The following ICA1L variants were observed in gnomAD, a reference collection of about 807,000 sequenced individuals.
ICA1L encodes islet cell autoantigen 1-like protein.
Under a neutral mutation model 61.3 loss-of-function variants are expected in ICA1L, and 50 were observed. The observed-to-expected ratio is 0.82, with a 90% CI of 0.65 to 1.03. The LOEUF (loss-of-function observed/expected upper bound fraction) is 1.03. ICA1L is among the 50% of genes least tolerant of loss of function. ICA1L has a pLI of 0.00. For missense variants in ICA1L, 508 were observed against 556.7 expected (o/e 0.91, Z 0.88); for synonymous variants, 161 against 191.3 (o/e 0.84, Z 1.31).
rs1181411357 is a variant in ICA1L at position 202,777,406 on chromosome 2, T to C, written c.*2127A>G. 6.6e-6 allele frequency: 1 copy of C among 152,126 alleles called. No individual in the cohort carries two copies. The highest frequency in any genetic ancestry group is 2.4e-5 in the African/African-American group (1 of 41,430). The allele number at this position is 152,126 out of a possible 1,614,324, so 9.4% of individuals were successfully genotyped here. A position where few individuals can be genotyped will look rare whatever the true frequency, so the allele number is the denominator to read the frequency against. ...AAAGTTGAGAGCATCAGAGTCACCA[T>C]GGGTATAGAATTCAGATTGGGATTC... On this transcript the variant is annotated 3_prime_UTR_variant, in exon 13 of 13. Transcript: ENST00000358299.
At chr2:202,803,496 C>A (rs896378120) in intron 9 of ICA1L, among the ~76,000 whole-genome samples, 1 of 150,702 alleles carries the variant, frequency 6.6e-6, no homozygotes, top group Non-Finnish European at 1.5e-5. Context: ...TAAAAGAAAG[C>A]TAGTTATGCT....
chr2:202,774,579 G>GA lies in ICA1L; in HGVS notation c.*4953dup. 1 of 324,378 alleles carries GA rather than the reference G, an allele frequency of 3.1e-6. No individual in the cohort carries two copies. The highest frequency in any genetic ancestry group is 5.6e-6 in the Non-Finnish European group (1 of 180,004). The allele number at this position is 324,378 out of a possible 1,614,324, so 20.1% of individuals were successfully genotyped here. ...GTAATATACTCACAGGTCCTAGAGA[G>GA]ACCAGTCACTGCATGCTGAGAGGGG... is the stretch of plus-strand genomic sequence containing the variant. On this transcript the variant is annotated 3_prime_UTR_variant, in exon 13 of 13. Coordinates refer to ENST00000358299, the MANE Select transcript of ICA1L (RefSeq NM_001288622.3).
intron 1 of ICA1L, among the ~76,000 whole-genome samples, chr2:202,852,495 C>G (rs1694654101): frequency 6.6e-6 from 1 of 151,276 alleles, no homozygotes; most frequent in Non-Finnish European, 1.5e-5. Flanking sequence ...ATGGTGAAAC[C>G]CTGTCTCTAC....
intron 1 of ICA1L, among the ~76,000 whole-genome samples, chr2:202,839,318 G>A (rs761857094): frequency 1.3e-5 from 2 of 151,948 alleles, no homozygotes; most frequent in Non-Finnish European, 2.9e-5. Flanking sequence ...GGCTAACAAG[G>A]TGAAACCCCG....
intron 1 of ICA1L, among the ~76,000 whole-genome samples, chr2:202,851,118 A>G (rs1205006706): frequency 6.6e-6 from 1 of 151,594 alleles, no homozygotes; most frequent in African/African-American, 2.4e-5. Context: ...CCATTAACTC[A>G]TCATTTAGCA....
chr2:202,782,955 A>G (rs1692459038), intron 12 of ICA1L, among the ~76,000 whole-genome samples: 1 of 152,202 alleles, frequency 6.6e-6, no homozygotes, highest in African/African-American at 2.4e-5. Flanking sequence ...GGATGGCTGT[A>G]TTCTGAACCT....
chr2:202,848,373 G>A (rs1032777054), intron 1 of ICA1L, among the ~76,000 whole-genome samples: 2 of 152,152 alleles, frequency 1.3e-5, no homozygotes, highest in African/African-American at 2.4e-5. Flanking sequence ...AAAAGGAACC[G>A]AAACAAGTTT....
At chr2:202,818,854 T>A (rs1285961096) in intron 5 of ICA1L, among the ~76,000 whole-genome samples, 2 of 152,248 alleles carry the variant, frequency 1.3e-5, no homozygotes, top group African/African-American at 2.4e-5. Flanking sequence ...AATAGACTAA[T>A]ACATTATTCT....
At chr2:202,865,558 TG>T (rs1687478216) in intron 1 of ICA1L, among the ~76,000 whole-genome samples, 1 of 152,042 alleles carries the variant, frequency 6.6e-6, no homozygotes, top group African/African-American at 2.4e-5. Flanking sequence ...CCTTTAATAT[TG>T]GGAAAGAGGC....
At chr2:202,857,069 T>C (rs1046623826) in intron 1 of ICA1L, among the ~76,000 whole-genome samples, 13 of 152,186 alleles carry the variant, frequency 8.5e-5, no homozygotes, top group African/African-American at 2.2e-4. Flanking sequence ...AAGTAATTTA[T>C]AGATTCAATG....
intron 11 of ICA1L, chr2:202,786,717 G>T (rs1436882319): frequency 2.2e-6 from 1 of 453,028 alleles, no homozygotes; most frequent in Non-Finnish European, 4.4e-6. Context: ...TTTTCTTAAG[G>T]AAATAATTTA....
chr2:202,781,124 A>G (rs1192643410), intron 12 of ICA1L, among the ~76,000 whole-genome samples: 1 of 152,192 alleles, frequency 6.6e-6, no homozygotes, highest in Non-Finnish European at 1.5e-5. Context: ...TGTCCGTTAC[A>G]TCTTTTATAG....
rs562230381 is a variant in ICA1L at position 202,777,044 on chromosome 2, C to CTTTTTTTTTTTTTTT, written c.*2474_*2488dup. On this transcript the variant is annotated 3_prime_UTR_variant, in exon 13 of 13. Coordinates refer to ENST00000358299, the MANE Select transcript of ICA1L (RefSeq NM_001288622.3). Reference sequence around the variant, plus strand: ...ACAAACTCTCAAGACATAAAGTTAGCTTTTTTTTTTTTTTTTTTTTTTTTT... The same window carrying CTTTTTTTTTTTTTTT: ...ACAAACTCTCAAGACATAAAGTTAGCTTTTTTTTTTTTTTTTTTTTTTTTTTTTTTTTTTTTTTTT... The CTTTTTTTTTTTTTTT allele has an allele frequency of 2.8e-4, 19 of 68,586 alleles. 3 individuals carry two copies. The highest frequency in any genetic ancestry group is 1.2e-3 in the African/African-American group (19 of 15,268). The allele number at this position is 68,586 out of a possible 1,614,324, so 4.2% of individuals were successfully genotyped here. A position where few individuals can be genotyped will look rare whatever the true frequency, so the allele number is the denominator to read the frequency against.
intron 8 of ICA1L, among the ~76,000 whole-genome samples, chr2:202,812,029 A>G (rs1411835568): frequency 6.6e-6 from 1 of 152,180 alleles, no homozygotes; most frequent in Non-Finnish European, 1.5e-5. Context: ...AGCACCAGGC[A>G]TCATGCTCAG....
chr2:202,788,887 GAGA>G lies in ICA1L; in HGVS notation c.1183_1185del (p.Ser395del). On this transcript the variant is annotated inframe_deletion, in exon 11 of 13. Transcript: ENST00000358299. ...TCAAAGAGTTGTGAAGGAAGGAATC[GAGA>G]AGAATGAGCGAGGGGCTCAGACCCC... The G allele has an allele frequency of 1.2e-6, 2 of 1,614,082 alleles. No individual in the cohort carries two copies. The highest frequency in any genetic ancestry group is 1.7e-6 in the Non-Finnish European group (2 of 1,179,974).
chr2:202,815,832 A>T (rs1233935310), intron 7 of ICA1L, 79 bp downstream of exon 7: 11 of 188,938 alleles, frequency 5.8e-5, no homozygotes, highest in East Asian at 1.7e-4. Flanking sequence ...AACCTTGGTT[A>T]AAAAAAAAAA....
chr2:202,817,586 A>T, intron 5 of ICA1L, 43 bp from the exon 6 acceptor site: 6 of 1,125,950 alleles, frequency 5.3e-6, no homozygotes, highest in Non-Finnish European at 6.3e-6. Flanking sequence ...ATATACTATA[A>T]ATATAGTATG....
chr2:202,835,486 G>A (rs763055915), intron 1 of ICA1L, among the ~76,000 whole-genome samples: 3 of 151,004 alleles, frequency 2.0e-5, no homozygotes, highest in African/African-American at 4.9e-5. Context: ...GATTACAGGC[G>A]TGAGGGACCC....
chr2:202,836,706 T>C (rs549504412), intron 1 of ICA1L, among the ~76,000 whole-genome samples: 13 of 135,938 alleles, frequency 9.6e-5, no homozygotes, highest in African/African-American at 2.9e-4. Context: ...AATTATCAAT[T>C]TCTTCATGAT....
Sources: gnomAD v4.1 joint callset for allele counts (sites outside exome capture counted in the v4.1 genomes callset) on GRCh38, gnomAD v4.1.1 for gene constraint, MANE v1.5 for transcripts, NCBI Gene and HGNC (gene_info 2026-07-23, HGNC 2026-07-21) for gene names.